Variants in DRC1 observed in about 807,000 individuals in gnomAD.
The protein encoded by DRC1 is dynein regulatory complex subunit 1, also known as dynein regulatory complex protein 1.
Under a neutral mutation model 98.7 loss-of-function variants are expected in DRC1, and 74 were observed. The ratio of observed to expected loss-of-function variants is 0.75; its 90% confidence interval spans 0.62 to 0.91. The LOEUF (loss-of-function observed/expected upper bound fraction) is 0.91, where lower values mean the gene tolerates loss of function less well. Ranked by LOEUF, DRC1 falls within the 40% of genes least tolerant of loss-of-function variation. The probability of loss-of-function intolerance (pLI) is 0.00; values close to 1 mark genes in which losing one functional copy is unlikely to be tolerated. For synonymous variants in DRC1, 336 were observed against 334.1 expected, an observed-to-expected ratio of 1.01 and a Z score of -0.06; for missense variants, 875 against 886.0, an observed-to-expected ratio of 0.99 and a Z score of 0.16.
chr2:26,438,052 A>G (rs1383352832), intron 7 of DRC1, among the ~76,000 whole-genome samples: 7 of 144,562 alleles, frequency 4.8e-5, no homozygotes, highest in South Asian at 2.2e-4. Flanking sequence ...AGATCATGCC[A>G]CTGCACTCCA....
chr2:26,455,194 A>G lies in DRC1; in HGVS notation c.2127A>G (p.Thr709=). 6.2e-7 allele frequency: 1 copy of G among 1,614,070 alleles called. No individual in the cohort carries two copies. The part of the protein sequence containing the change: ...LENSSLEQQN[T]ELQALLQQYL... The stretch of plus-strand genomic sequence containing the variant: ...ACAGTTCTCTGGAGCAGCAGAACAC[A>G]GAGCTGCAGGCGCTACTGCAGCAGT... The change falls in exon 16 of 17, where the codon ACA becomes ACG. Residue 709 remains threonine, a synonymous_variant. Transcript: ENST00000288710.
At chr2:26,430,388 T>G in intron 5 of DRC1, 1 of 407,576 alleles carries the variant, frequency 2.5e-6, no homozygotes, top group Non-Finnish European at 5.1e-6. Context: ...AACCTACCCC[T>G]TGTGAGTTTC....
intron 7 of DRC1, 61 bp from the exon 8 acceptor site, chr2:26,440,317 G>T: frequency 8.4e-7 from 1 of 1,194,060 alleles, no homozygotes; most frequent in South Asian, 2.1e-5. Flanking sequence ...GAGTTAGTGT[G>T]TTTGTGTGTG....
chr2:26,429,182 G>GATTATT (rs760442829), intron 4 of DRC1, among the ~76,000 whole-genome samples: 24 of 146,138 alleles, frequency 1.6e-4, no homozygotes, highest in African/African-American at 6.3e-4. Flanking sequence ...TCTTTGTACA[G>GATTATT]ATGATTATTA....
chr2:26,411,772 G>A (rs550922221), intron 1 of DRC1, among the ~76,000 whole-genome samples: 1 of 151,846 alleles, frequency 6.6e-6, no homozygotes, highest in African/African-American at 2.4e-5. Context: ...ACTGCAGCCT[G>A]GGGACAGAGC....
At position 26,454,872 on chromosome 2, in the gene DRC1, C is replaced by T; in HGVS notation, c.2063+82C>T. On this transcript the variant is annotated intron_variant, in intron 15 of 16. Coordinates refer to ENST00000288710, the MANE Select transcript of DRC1 (RefSeq NM_145038.5). The surrounding 1 kb of genome is among the most constrained non-coding windows in gnomAD (Gnocchi z 5.2). The stretch of plus-strand genomic sequence containing the variant: ...TTGGGAGCAGCCGCGTTTGCTGCCT[C>T]CCTGTCCCACTGAACCTGGGAGGGA... 2 of 1,589,050 alleles carry T rather than the reference C, an allele frequency of 1.3e-6. No individual in the cohort carries two copies. Among genetic ancestry groups the T allele is most frequent in the Middle Eastern group, 1.7e-4 (1 of 5,778 alleles).
chr2:26,438,653 C>T (rs1663635848), intron 7 of DRC1, among the ~76,000 whole-genome samples: 1 of 152,140 alleles, frequency 6.6e-6, no homozygotes, highest in African/African-American at 2.4e-5. Context: ...TCGCCGGATT[C>T]CACAGCAAAC....
At chr2:26,418,721 TAA>T (rs1402133973) in intron 2 of DRC1, among the ~76,000 whole-genome samples, 5 of 100,334 alleles carry the variant, frequency 5.0e-5, no homozygotes, top group African/African-American at 2.0e-4. Flanking sequence ...ATATAATATA[TAA>T]ATTATATTTA....
chr2:26,441,494 C>T (rs762737837), intron 8 of DRC1, among the ~76,000 whole-genome samples: 9 of 151,834 alleles, frequency 5.9e-5, no homozygotes, highest in African/African-American at 1.7e-4. Context: ...ATATATGCAC[C>T]GTACTAGATA....
At chr2:26,409,893 T>C (rs1446687431) in intron 1 of DRC1, among the ~76,000 whole-genome samples, 2 of 151,922 alleles carry the variant, frequency 1.3e-5, no homozygotes, top group African/African-American at 2.4e-5. Flanking sequence ...GAATGGTAGA[T>C]ATGAAAATTA....
intron 1 of DRC1, among the ~76,000 whole-genome samples, chr2:26,404,669 G>C (rs1245278576): frequency 6.6e-6 from 1 of 152,206 alleles, no homozygotes; most frequent in Non-Finnish European, 1.5e-5. Flanking sequence ...TTTGTGTACT[G>C]AGGTGCAGTT....
chr2:26,410,827 C>CAACAAAACAA (rs149560827), intron 1 of DRC1, among the ~76,000 whole-genome samples: 16 of 151,720 alleles, frequency 1.1e-4, no homozygotes, highest in African/African-American at 3.9e-4. Flanking sequence ...AAACAAAACA[C>CAACAAAACAA]AACAAAACAA....
In DRC1 at chr2:26,402,004, G is replaced by A. The variant is rs746939507; in HGVS notation, c.15G>A (p.Gly5=). The change falls in exon 1 of 17, where the codon GGG becomes GGA. Residue 5 remains glycine, a synonymous_variant. Transcript: ENST00000288710. MNPP[G]SLEALDPNVD... ...GGACTCCTGCCATGAATCCGCCGGG[G>A]TCCCTAGAGGCCCTGGACCCGAACG... 242 of 1,607,924 alleles carry A rather than the reference G, an allele frequency of 1.5e-4. No homozygotes were observed. The highest frequency in any genetic ancestry group is 2.0e-4 in the Non-Finnish European group (231 of 1,177,600).
chr2:26,456,305 G>A (rs960022953), intron 16 of DRC1, among the ~76,000 whole-genome samples, 156 bp from the exon 17 acceptor site: 5 of 152,246 alleles, frequency 3.3e-5, no homozygotes, highest in African/African-American at 9.6e-5. Flanking sequence ...GTCTCCTGCA[G>A]GGAGGCAGTC....
At chr2:26,404,922 C>T (rs1223564098) in intron 1 of DRC1, among the ~76,000 whole-genome samples, 6 of 152,104 alleles carry the variant, frequency 3.9e-5, no homozygotes, top group African/African-American at 1.4e-4. Flanking sequence ...TAACTCAGAC[C>T]CTGTTCTAAT....
chr2:26,445,093 G>A, intron 10 of DRC1, 145 bp downstream of exon 10: 1 of 912,008 alleles, frequency 1.1e-6, no homozygotes, highest in Non-Finnish European at 1.6e-6. Flanking sequence ...CTAATTTATA[G>A]CTTTGCTCTC....
intron 10 of DRC1, among the ~76,000 whole-genome samples, chr2:26,445,631 T>C (rs1052281696): frequency 1.3e-5 from 2 of 152,124 alleles, no homozygotes; most frequent in African/African-American, 4.8e-5. Flanking sequence ...TCTGGGTCCT[T>C]TTGATTCAGC....
At chr2:26,453,749 C>T (rs554776034) in intron 14 of DRC1, among the ~76,000 whole-genome samples, 200 bp downstream of exon 14, 1 of 152,158 alleles carries the variant, frequency 6.6e-6, no homozygotes, top group African/African-American at 2.4e-5. Context: ...GTGATCTGTG[C>T]TTTTTTCACT....
rs1572385332 is a variant in DRC1 at position 26,450,508 on chromosome 2, C to T, written c.1600-84C>T. 3.1e-6 allele frequency: 4 copies of T among 1,285,818 alleles called. No individual in the cohort carries two copies. In the East Asian group the frequency reaches 7.2e-5, roughly 23 times the overall value. 79.7% of individuals were successfully genotyped at this position (1,285,818 alleles called of 1,614,324 possible). On this transcript the variant is annotated intron_variant, in intron 12 of 16. Transcript: ENST00000288710. ...CCCTCCACAAGCCAAGCCTCCCGCT[C>T]TTAGGAGCTGAGCATCTGTCAGCTG... is the stretch of plus-strand genomic sequence containing the variant.
Sources: gnomAD v4.1 joint callset for allele counts (sites outside exome capture counted in the v4.1 genomes callset) on GRCh38, gnomAD v4.1.1 for gene constraint, Gnocchi (gnomAD v3.1) non-coding constraint, MANE v1.5 for transcripts, NCBI Gene and HGNC (gene_info 2026-07-23, HGNC 2026-07-21) for gene names.